The following MYMK variants were observed in gnomAD, a reference collection of about 807,000 sequenced individuals.
The protein encoded by MYMK is protein myomaker.
Under a neutral mutation model 22.4 loss-of-function variants are expected in MYMK, and 16 were observed. That is an observed-to-expected ratio of 0.72 (90% CI 0.48 to 1.09). The LOEUF is 1.09. Among genes scored for constraint, MYMK ranks in the 50% least tolerant of loss-of-function variants. MYMK has a pLI of 0.00. For missense variants in MYMK, 250 were observed against 295.6 expected (o/e 0.85, Z 1.13); for synonymous variants, 125 against 127.0 (o/e 0.98, Z 0.11).
At chr9:133,519,812 C>G (rs111465072) in intron 2 of MYMK, among the ~76,000 whole-genome samples, 1 of 152,150 alleles carries the variant, frequency 6.6e-6, no homozygotes, top group Non-Finnish European at 1.5e-5. Context: ...GTTTGTATGA[C>G]AGTCTGGGAA....
At chr9:133,520,323 G>C (rs1844687522) in intron 1 of MYMK, 35 bp from the exon 2 acceptor site, 1 of 1,584,254 alleles carries the variant, frequency 6.3e-7, no homozygotes, top group Non-Finnish European at 8.7e-7. Context: ...ACAGCACAAA[G>C]AGGCCAGAGC....
Position 133,524,799 on chromosome 9 carries a change from G to A in MYMK, c.46C>T (p.Leu16=), listed in dbSNP as rs774361310. ...AKLLLPTLSS[L]AFLPTVSIAA... ...ATGCTGACAGTGGGGAGGAAGGCCA[G>A]GCTGCTGAGGGTGGGCAGGAGCAGC... The change falls in exon 1 of 5, where the codon CTG becomes TTG. Residue 16 remains leucine (L), a synonymous_variant. Transcript: ENST00000339996. The A allele has an allele frequency of 4.1e-5, 66 of 1,613,868 alleles. No individual in the cohort carries two copies. Among genetic ancestry groups the A allele is most frequent in the Non-Finnish European group, 5.6e-5 (66 of 1,179,990 alleles).
At chr9:133,522,573 G>A (rs576174947) in intron 1 of MYMK, among the ~76,000 whole-genome samples, 3 of 152,338 alleles carry the variant, frequency 2.0e-5, no homozygotes, top group East Asian at 3.9e-4. Context: ...GTGGGGCAGG[G>A]TGGGGCCTCT....
chr9:133,520,426 C>T, intron 1 of MYMK, 138 bp from the exon 2 acceptor site: 1 of 676,760 alleles, frequency 1.5e-6, no homozygotes, highest in Non-Finnish European at 2.7e-6. Flanking sequence ...GTGCCTCAGT[C>T]TCCCCGTCTG....
intron 3 of MYMK, among the ~76,000 whole-genome samples, chr9:133,517,259 A>T (rs1028194292): frequency 5.9e-5 from 9 of 152,132 alleles, no homozygotes; most frequent in Non-Finnish European, 7.4e-5. Flanking sequence ...ACTTATGCCC[A>T]GCGCTCCCTC....
chr9:133,518,191 G>T (rs1186972321), intron 3 of MYMK, among the ~76,000 whole-genome samples: 2 of 152,202 alleles, frequency 1.3e-5, no homozygotes, highest in Non-Finnish European at 2.9e-5. Context: ...TCCCTCTTTA[G>T]CTTGGGCGAG....
intron 4 of MYMK, 125 bp from the exon 5 acceptor site, chr9:133,514,910 C>G: frequency 9.2e-7 from 1 of 1,087,116 alleles, no homozygotes; most frequent in Non-Finnish European, 1.3e-6. Context: ...CTGCAGGAAG[C>G]CTCCCCCACG....
intron 2 of MYMK, among the ~76,000 whole-genome samples, chr9:133,519,237 A>G (rs1169551136): frequency 2.6e-5 from 4 of 152,258 alleles, no homozygotes; most frequent in Middle Eastern, 3.4e-3. Context: ...CCATGGACAC[A>G]GCAGCTTGGA....
intron 4 of MYMK, 152 bp from the exon 5 acceptor site, chr9:133,514,937 T>C (rs954598528): frequency 2.4e-6 from 2 of 821,490 alleles, no homozygotes; most frequent in Non-Finnish European, 3.7e-6. Context: ...CTCACAGTGG[T>C]TTTTCTCTCC....
intron 3 of MYMK, among the ~76,000 whole-genome samples, chr9:133,518,422 A>G (rs868347806): frequency 2.6e-5 from 4 of 152,192 alleles, no homozygotes; most frequent in Middle Eastern, 3.2e-3. Flanking sequence ...ACCCCAGGCC[A>G]TTTTCCAAGT....
chr9:133,524,644 A>G, intron 1 of MYMK, 66 bp downstream of exon 1: 2 of 1,610,862 alleles, frequency 1.2e-6, no homozygotes, highest in East Asian at 2.2e-5. Context: ...CGCTGTGGAC[A>G]GAGAGCCTCT....
intron 3 of MYMK, among the ~76,000 whole-genome samples, chr9:133,518,291 T>C (rs1844655595): frequency 6.6e-6 from 1 of 152,162 alleles, no homozygotes; most frequent in Non-Finnish European, 1.5e-5. Flanking sequence ...GCCTTGCTGC[T>C]CTGCAAGGGG....
rs145126387 is a variant in MYMK, at chr9:133,524,785, G to C, written c.60C>G (p.Pro20=). ...LPTLSSLAFL[P]TVSIAAKRRF... ...GCCTCTTGGCCGCGATGCTGACAGT[G>C]GGGAGGAAGGCCAGGCTGCTGAGGG... The change falls in exon 1 of 5, where the codon CCC becomes CCG. Residue 20 remains proline (P), a synonymous_variant. Coordinates refer to ENST00000339996, the MANE Select transcript of MYMK (RefSeq NM_001080483.3). The C allele has an allele frequency of 1.2e-6, 2 of 1,614,130 alleles. No homozygotes were observed. Among genetic ancestry groups the C allele is most frequent in the South Asian group, 2.2e-5 (2 of 91,076 alleles).
In MYMK at chr9:133,520,199, G is replaced by A. The variant is rs1844684479; in HGVS notation, c.225C>T (p.Ala75=). 6.2e-7 allele frequency: 1 copy of A among 1,614,076 alleles called. No individual in the cohort carries two copies. ...ILEYFSVYGT[A]LSMWVSLMAL... ...CCATCAGCGAGACCCACATGCTCAGGGCTGTCCCGTAGACACTGAAATACT... is the reference window on the plus strand; with the variant it reads ...CCATCAGCGAGACCCACATGCTCAGAGCTGTCCCGTAGACACTGAAATACT... Residue 75 remains alanine (A), a synonymous_variant, in exon 2 of 5, where the codon GCC becomes GCT. Transcript: ENST00000339996.
At chr9:133,514,903 C>T in intron 4 of MYMK, 118 bp from the exon 5 acceptor site, 2 of 1,154,770 alleles carry the variant, frequency 1.7e-6, no homozygotes, top group Non-Finnish European at 2.4e-6. Flanking sequence ...GGGACACCTG[C>T]AGGAAGCCTC....
Position 133,522,346 on chromosome 9 carries a change from G to C in MYMK, c.136-2058C>G, listed in dbSNP as rs111267825. Among the ~76,000 whole-genome samples, 144 of 141,484 alleles carry C rather than the reference G, an allele frequency of 1.0e-3. 1 individual carries two copies. The highest frequency in any genetic ancestry group is 1.6e-3 in the Non-Finnish European group (104 of 63,188). The allele number at this position is 141,484 out of a possible 152,430, so 92.8% of individuals were successfully genotyped here. A position where few individuals can be genotyped will look rare whatever the true frequency, so the allele number is the denominator to read the frequency against. ...GGGGGCTCAGGTGAGTGGCTGTCGG[G>C]GGGGGGCCTCCTCTGTTGTGTGGGG... On this transcript the variant is annotated intron_variant, in intron 1 of 4. Transcript: ENST00000339996.
At chr9:133,519,548 A>G (rs1844672994) in intron 2 of MYMK, among the ~76,000 whole-genome samples, 1 of 152,224 alleles carries the variant, frequency 6.6e-6, no homozygotes, top group South Asian at 2.1e-4. Flanking sequence ...TGACAGAGTG[A>G]GACCCTGTGG....
intron 1 of MYMK, 37 bp from the exon 2 acceptor site, chr9:133,520,325 G>A (rs1010429832): frequency 1.9e-6 from 3 of 1,570,118 alleles, no homozygotes; most frequent in Non-Finnish European, 2.6e-6. Flanking sequence ...AGCACAAAGA[G>A]GCCAGAGCTG....
In MYMK at chr9:133,520,141, C is replaced by T. The variant is rs372223230; in HGVS notation, c.250+33G>A. ...GGACACTGGGGAGCCGGTCCTTGTC[C>T]GCAAGGCTTGTCTGCAGGGGTTGAC... On this transcript the variant is annotated intron_variant, in intron 2 of 4. Transcript: ENST00000339996. 1.8e-5 allele frequency: 29 copies of T among 1,582,134 alleles called. 1 individual carries two copies. Among genetic ancestry groups the T allele is most frequent in the African/African-American group, 6.7e-5 (5 of 74,222 alleles).
Sources: gnomAD v4.1 joint callset for allele counts (sites outside exome capture counted in the v4.1 genomes callset) on GRCh38, gnomAD v4.1.1 for gene constraint, MANE v1.5 for transcripts, NCBI Gene and HGNC (gene_info 2026-07-23, HGNC 2026-07-21) for gene names.